The following AGBL2 variants were observed in gnomAD, a reference collection of about 807,000 sequenced individuals.
AGBL2 encodes the protein cytosolic carboxypeptidase 2.
A neutral mutation model predicts 103.0 loss-of-function variants in AGBL2; 87 were observed. That is an observed-to-expected ratio of 0.84 (90% CI 0.71 to 1.01). The LOEUF (loss-of-function observed/expected upper bound fraction) is 1.01, where lower values mean the gene tolerates loss of function less well. Ranked by LOEUF, AGBL2 falls within the 50% of genes least tolerant of loss-of-function variation. The probability of loss-of-function intolerance (pLI) is 0.00; values close to 1 mark genes in which losing one functional copy is unlikely to be tolerated. For synonymous variants in AGBL2, 335 were observed against 356.7 expected (o/e 0.94, Z 0.69); for missense variants, 904 against 1,023.5 (o/e 0.88, Z 1.59).
At chr11:47,709,917 T>C (rs1200427777) in intron 4 of AGBL2, among the ~76,000 whole-genome samples, 2 of 151,782 alleles carry the variant, frequency 1.3e-5, no homozygotes, top group Non-Finnish European at 2.9e-5. Flanking sequence ...TGAAACAGAA[T>C]CTCACTTTGT....
chr11:47,684,829 A>T (rs1380360221), intron 11 of AGBL2, among the ~76,000 whole-genome samples: 1 of 152,182 alleles, frequency 6.6e-6, no homozygotes, highest in African/African-American at 2.4e-5. Context: ...AAGACTCATG[A>T]CATTAGCATT....
intron 8 of AGBL2, among the ~76,000 whole-genome samples, chr11:47,694,080 C>G (rs2097458150): frequency 6.6e-6 from 1 of 152,060 alleles, no homozygotes; most frequent in African/African-American, 2.4e-5. Flanking sequence ...CACCTGTAGT[C>G]CCAGCTACTC....
chr11:47,676,774 G>A (rs897677689), intron 14 of AGBL2, among the ~76,000 whole-genome samples: 1 of 144,668 alleles, frequency 6.9e-6, no homozygotes, highest in Non-Finnish European at 1.5e-5. Flanking sequence ...AGTGGAGATC[G>A]CGCCACTGCA....
chr11:47,683,963 C>G (rs2097412996), intron 11 of AGBL2, among the ~76,000 whole-genome samples: 1 of 150,180 alleles, frequency 6.7e-6, no homozygotes, highest in Non-Finnish European at 1.5e-5. Context: ...AAAATCCAGT[C>G]TAGGCCGTGC....
rs377659584 is a variant in AGBL2 at position 47,680,077 on chromosome 11, GA to G, written c.1916-5del. On this transcript the variant is annotated splice_polypyrimidine_tract_variant and splice_region_variant and intron_variant, in intron 12 of 18. Coordinates refer to ENST00000525123, the MANE Select transcript of AGBL2 (RefSeq NM_024783.4). ...AAGTGGGTGTCTCTTTTATTACCTG[GA>G]AAAAAAAAAAACCCCGCAAACATTT... 0.04 allele frequency: 44,585 copies of G among 1,113,372 alleles called. 15 individuals carry two copies. The highest frequency in any genetic ancestry group is 0.061 in the East Asian group (1,769 of 29,094). The allele number at this position is 1,113,372 out of a possible 1,614,324, so 69.0% of individuals were successfully genotyped here.
rs754721570 is a variant in AGBL2, at chr11:47,714,694, C to A, written c.-44G>T. 7 of 1,597,094 alleles carry A rather than the reference C, an allele frequency of 4.4e-6. No homozygotes were observed. In the South Asian group the frequency reaches 7.7e-5, roughly 18 times the overall value. On this transcript the variant is annotated 5_prime_UTR_variant, in exon 2 of 19. It removes an upstream start codon present in the reference 5' UTR. Transcript: ENST00000525123. ...GCTGAAAACTAGTCAGTGACATTAGCATCCAGTCGCAAACCCTGCCCAATT... is the reference window on the plus strand; with the variant it reads ...GCTGAAAACTAGTCAGTGACATTAGAATCCAGTCGCAAACCCTGCCCAATT...
At chr11:47,709,188 T>A (rs1221198082) in intron 4 of AGBL2, among the ~76,000 whole-genome samples, 1 of 151,688 alleles carries the variant, frequency 6.6e-6, no homozygotes, top group Non-Finnish European at 1.5e-5. Flanking sequence ...AGGTTTTAAG[T>A]AAAAAAGGGA....
rs537727076 is a variant in AGBL2, at chr11:47,684,081, TACCCCATCTCTACTAA to T, written c.1788+1796_1788+1811del. On this transcript the variant is annotated intron_variant, in intron 11 of 18. Coordinates refer to ENST00000525123, the MANE Select transcript of AGBL2 (RefSeq NM_024783.4). ...GCCTGGCCTACATCTCTACTAAAAATACCCCATCTCTACTAAACCCCATCTCTACTAAAAATACAAA... is the reference window on the plus strand; with the variant it reads ...GCCTGGCCTACATCTCTACTAAAAATACCCCATCTCTACTAAAAATACAAA... Among the ~76,000 whole-genome samples, 160 of 151,974 alleles carry T rather than the reference TACCCCATCTCTACTAA, an allele frequency of 1.1e-3. 1 individual carries two copies. Among genetic ancestry groups the T allele is most frequent in the African/African-American group, 3.4e-3 (143 of 41,464 alleles).
intron 18 of AGBL2, among the ~76,000 whole-genome samples, chr11:47,661,451 G>A (rs1357980946): frequency 6.6e-6 from 1 of 152,084 alleles, no homozygotes; most frequent in African/African-American, 2.4e-5. Context: ...ATAATATGGT[G>A]ATTGGACTAT....
At chr11:47,673,908 T>A (rs554863488) in intron 14 of AGBL2, among the ~76,000 whole-genome samples, 8 of 150,788 alleles carry the variant, frequency 5.3e-5, no homozygotes, top group Non-Finnish European at 1.0e-4. Flanking sequence ...GTGACCAGCC[T>A]GGCCAACATG....
chr11:47,710,170 TGATCAC>T (rs527274094), intron 4 of AGBL2: 6 of 579,912 alleles, frequency 1.0e-5, no homozygotes, highest in Non-Finnish European at 1.8e-5. Context: ...ATTACAGGCG[TGATCAC>T]CATGCCCGGC....
chr11:47,698,089 C>T (rs1009668376), intron 8 of AGBL2, among the ~76,000 whole-genome samples: 10 of 150,920 alleles, frequency 6.6e-5, no homozygotes, highest in Non-Finnish European at 1.0e-4. Context: ...CTCGAACTGC[C>T]GACCTCAGGT....
intron 11 of AGBL2, among the ~76,000 whole-genome samples, chr11:47,683,586 T>C (rs1028209408): frequency 6.6e-6 from 1 of 150,640 alleles, no homozygotes; most frequent in Non-Finnish European, 1.5e-5. Flanking sequence ...CTGGTCAACA[T>C]GGTGAAACCC....
intron 8 of AGBL2, among the ~76,000 whole-genome samples, chr11:47,696,020 AAAAAAAAAAAAAAAAAG>A (rs1351330817): frequency 9.7e-5 from 3 of 30,968 alleles, no homozygotes; most frequent in Non-Finnish European, 1.7e-4. Flanking sequence ...CAAAAAAAAA[AAAAAAAAAAAAAAAAAG>A]AAAAAAAAAA....
Position 47,710,431 on chromosome 11 carries a change from G to C in AGBL2, c.178C>G (p.Leu60Val). The change falls in exon 4 of 19, where the codon CTT becomes GTT. Residue 60 changes from leucine (L) to valine (V), a missense_variant. Leu to Val is a conservative substitution (Grantham distance 32). Coordinates refer to ENST00000525123, the MANE Select transcript of AGBL2 (RefSeq NM_024783.4). ...GGTATCAAATCATCTTTTTCCCCAA[G>C]AGAGCCATTCAACAGGCATTGAGGG... ...NNPQCLLNGS[L>V]GEKDDLIPDT... 3 of 1,614,142 alleles carry C rather than the reference G, an allele frequency of 1.9e-6. No homozygotes were observed. Among genetic ancestry groups the C allele is most frequent in the Non-Finnish European group, 2.5e-6 (3 of 1,180,034 alleles).
In AGBL2 at chr11:47,660,209, C is replaced by A. The variant is rs769657451; in HGVS notation, c.2673G>T (p.Ala891=). The part of the protein sequence containing the change: ...PATKRGCAAM[A]AYPSLHIYTY... ...TGTATATGTGCAAGGATGGGTATGC[C>A]GCCATGGCAGCACAGCCTCTCTTTG... The change falls in exon 19 of 19, where the codon GCG becomes GCT. Residue 891 remains alanine, a synonymous_variant. Coordinates refer to ENST00000525123, the MANE Select transcript of AGBL2 (RefSeq NM_024783.4). The A allele has an allele frequency of 6.2e-7, 1 of 1,614,114 alleles. No individual in the cohort carries two copies. The highest frequency in any genetic ancestry group is 8.5e-7 in the Non-Finnish European group (1 of 1,180,018).
In AGBL2 at chr11:47,660,139, G is replaced by A. The variant is rs200812908; in HGVS notation, c.*34C>T. Reference sequence around the variant, plus strand: ...AAATGTGTCTAATCTCAAAACCCCCGATGAAGTGCTTGTGTGGCACAGCCC... The same window carrying A: ...AAATGTGTCTAATCTCAAAACCCCCAATGAAGTGCTTGTGTGGCACAGCCC... On this transcript the variant is annotated 3_prime_UTR_variant, in exon 19 of 19. Transcript: ENST00000525123. 569 of 1,574,550 alleles carry A rather than the reference G, an allele frequency of 3.6e-4. 3 individuals carry two copies. In the South Asian group the frequency reaches 5.1e-3, roughly 14 times the overall value.
chr11:47,678,183 C>T (rs959196875), intron 13 of AGBL2, among the ~76,000 whole-genome samples: 1 of 150,784 alleles, frequency 6.6e-6, no homozygotes, highest in Non-Finnish European at 1.5e-5. Context: ...AGGATGGTCT[C>T]GAACTCCTGA....
At position 47,714,649 on chromosome 11, in the gene AGBL2, ATG is replaced by A; in HGVS notation, c.-1_1del. ...TAGGTGCGTTTCCAAAGCTGGGAACATGTTACTTCTGGATGGTAGGCTGAAAA... is the reference window on the plus strand; with the variant it reads ...TAGGTGCGTTTCCAAAGCTGGGAACATTACTTCTGGATGGTAGGCTGAAAA... On this transcript the variant is annotated start_lost and start_retained_variant and 5_prime_UTR_variant, in exon 2 of 19. Transcript: ENST00000525123. 6.2e-7 allele frequency: 1 copy of A among 1,613,998 alleles called. No homozygotes were observed. Among genetic ancestry groups the A allele is most frequent in the Non-Finnish European group, 8.5e-7 (1 of 1,179,992 alleles).
Sources: allele counts gnomAD v4.1 joint callset (sites outside exome capture counted in the v4.1 genomes callset), GRCh38; gene constraint gnomAD v4.1.1; transcripts MANE v1.5; gene names NCBI Gene and HGNC (gene_info 2026-07-23, HGNC 2026-07-21).